The following GRK5 variants were observed in gnomAD, a reference collection of about 807,000 sequenced individuals.
GRK5 encodes g protein-coupled receptor kinase GRK5.
A neutral mutation model predicts 78.4 loss-of-function variants in GRK5; 40 were observed. The ratio of observed to expected loss-of-function variants is 0.51; its 90% confidence interval spans 0.40 to 0.66. GRK5 has a LOEUF of 0.66. Ranked by LOEUF, GRK5 falls within the 30% of genes least tolerant of loss-of-function variation. The probability of loss-of-function intolerance (pLI) is 0.00; values close to 1 mark genes in which losing one functional copy is unlikely to be tolerated. For synonymous variants in GRK5, 289 were observed against 296.8 expected (o/e 0.97, Z 0.27); for missense variants, 598 against 759.9 (o/e 0.79, Z 2.50).
chr10:119,325,606 G>A lies in GRK5; in HGVS notation c.53-910G>A, dbSNP rs558902590. On this transcript the variant is annotated intron_variant, in intron 1 of 15. Transcript: ENST00000392870. Reference sequence around the variant, plus strand: ...ACTGTAAGGGTGGAGAGTGGGTGACGGCACCTTGGTCCCCAGGAGCCCTCT... The same window carrying A: ...ACTGTAAGGGTGGAGAGTGGGTGACAGCACCTTGGTCCCCAGGAGCCCTCT... 1.4e-4 allele frequency among the ~76,000 whole-genome samples: 22 copies of A among 152,262 alleles called. 2 individuals are homozygous for A. In the South Asian group the frequency reaches 4.4e-3, roughly 30 times the overall value.
chr10:119,452,872 G>A lies in GRK5; in HGVS notation c.1542+64G>A, dbSNP rs1202717840. 19 of 1,496,592 alleles carry A rather than the reference G, an allele frequency of 1.3e-5. No individual in the cohort carries two copies. The highest frequency in any genetic ancestry group is 1.5e-5 in the Non-Finnish European group (16 of 1,083,926). The allele number at this position is 1,496,592 out of a possible 1,614,324, so 92.7% of individuals were successfully genotyped here. Reference sequence around the variant, plus strand: ...GGGAGGGACTGACGGGTGGAAGGAGGCGTCGGGAATATGAGTTTGGCGGCA... The same window carrying A: ...GGGAGGGACTGACGGGTGGAAGGAGACGTCGGGAATATGAGTTTGGCGGCA... On this transcript the variant is annotated intron_variant, in intron 14 of 15. Transcript: ENST00000392870. This position sits in a 1 kb window ranked among gnomAD's most constrained non-coding sequence, Gnocchi z 4.4.
chr10:119,244,666 C>T (rs1331987062), intron 1 of GRK5, among the ~76,000 whole-genome samples: 3 of 152,002 alleles, frequency 2.0e-5, no homozygotes, highest in Non-Finnish European at 4.4e-5. Context: ...CCCAGGAGGT[C>T]GAAGCTGCAG....
chr10:119,317,507 GGCC>G (rs1850511711), intron 1 of GRK5, among the ~76,000 whole-genome samples: 1 of 152,120 alleles, frequency 6.6e-6, no homozygotes, highest in South Asian at 2.1e-4. Flanking sequence ...GACCCCTCAA[GGCC>G]GCAGCTGAGC....
intron 1 of GRK5, among the ~76,000 whole-genome samples, chr10:119,310,686 G>A (rs12783762): frequency 0.3 from 45,787 of 152,066 alleles, 7,557 homozygotes; most frequent in East Asian, 0.66. Context: ...AAGGAGGGAA[G>A]CCCCAGGCAG....
chr10:119,213,526 AAAATT>A (rs1848522696), intron 1 of GRK5, among the ~76,000 whole-genome samples: 1 of 152,198 alleles, frequency 6.6e-6, no homozygotes. Context: ...AGAAAAATAA[AAAATT>A]AAAATGTATT....
chr10:119,394,418 G>T (rs1384927545), intron 3 of GRK5, among the ~76,000 whole-genome samples: 1 of 87,836 alleles, frequency 1.1e-5, no homozygotes, highest in Admixed American at 9.7e-5. Context: ...GTGTGTGGGG[G>T]TGTGTGGGTA....
At chr10:119,230,688 A>G (rs968373466) in intron 1 of GRK5, among the ~76,000 whole-genome samples, 1 of 152,062 alleles carries the variant, frequency 6.6e-6, no homozygotes, top group Admixed American at 6.5e-5. Flanking sequence ...AAATAAAAAA[A>G]TTAGCCAGGT....
intron 1 of GRK5, among the ~76,000 whole-genome samples, chr10:119,293,892 G>A (rs143756213): frequency 2.2e-4 from 33 of 152,198 alleles, no homozygotes; most frequent in Admixed American, 6.5e-4. Flanking sequence ...AATCTATTAC[G>A]ATCTAATAAT....
chr10:119,332,650 C>G (rs1006172325), intron 2 of GRK5, among the ~76,000 whole-genome samples: 3 of 152,186 alleles, frequency 2.0e-5, no homozygotes, highest in African/African-American at 4.8e-5. Flanking sequence ...ATCCATGGTC[C>G]TTTTGGCAGT....
rs1041088649 is a variant in GRK5 at position 119,430,525 on chromosome 10, C to T, written c.597+87C>T. The T allele has an allele frequency of 2.5e-5, 31 of 1,259,418 alleles. No individual in the cohort carries two copies. The South Asian group carries it at 3.8e-4, about 15-fold the overall frequency. 78.0% of individuals were successfully genotyped at this position (1,259,418 alleles called of 1,614,324 possible). On this transcript the variant is annotated intron_variant, in intron 7 of 15. Transcript: ENST00000392870. This position sits in a 1 kb window ranked among gnomAD's most constrained non-coding sequence, Gnocchi z 4.5. ...TTCTAAATCAACCTAAAGGGTTGGC[C>T]CACGGGTCCCCCGGGGGCACCAGTG...
rs66652162 is a variant in GRK5 at position 119,389,801 on chromosome 10, A to AACACACAC, written c.262-6865_262-6858dup. Reference sequence around the variant, plus strand: ...CAGTCAGCACCCAGAGATCATGAGCAACACACACACACACACACACACACA... The same window carrying AACACACAC: ...CAGTCAGCACCCAGAGATCATGAGCAACACACACACACACACACACACACACACACACA... On this transcript the variant is annotated intron_variant, in intron 3 of 15. Transcript: ENST00000392870. 1.5e-3 allele frequency among the ~76,000 whole-genome samples: 221 copies of AACACACAC among 149,748 alleles called. 2 individuals carry two copies. Among genetic ancestry groups the AACACACAC allele is most frequent in the East Asian group, 0.011 (55 of 4,994 alleles).
chr10:119,337,249 T>C (rs1850905982), intron 2 of GRK5, among the ~76,000 whole-genome samples: 1 of 152,216 alleles, frequency 6.6e-6, no homozygotes, highest in Non-Finnish European at 1.5e-5. Flanking sequence ...ATAAGTGAAC[T>C]GAGTCCCAGA....
At chr10:119,347,494 T>C (rs1589757526) in intron 2 of GRK5, among the ~76,000 whole-genome samples, 1 of 152,254 alleles carries the variant, frequency 6.6e-6, no homozygotes, top group Non-Finnish European at 1.5e-5. Flanking sequence ...CGTGTGTGTG[T>C]GCACGCCCAT....
chr10:119,407,080 GCAAA>G lies in GRK5; in HGVS notation c.339+10311_339+10314del, dbSNP rs201801987. Among the ~76,000 whole-genome samples the G allele has an allele frequency of 9.8e-4, 149 of 152,350 alleles. 2 individuals carry two copies. In the East Asian group the frequency reaches 0.026, roughly 27 times the overall value. Reference sequence around the variant, plus strand: ...AGTTTTATCTGCAGATTCCCAGCGTGCAAACAGATAAAAAGATCTGTGGTTGACA... The same window carrying G: ...AGTTTTATCTGCAGATTCCCAGCGTGCAGATAAAAAGATCTGTGGTTGACA... On this transcript the variant is annotated intron_variant, in intron 4 of 15. Coordinates refer to ENST00000392870, the MANE Select transcript of GRK5 (RefSeq NM_005308.3).
At chr10:119,326,731 A>T in intron 2 of GRK5, 120 bp downstream of exon 2, 1 of 731,516 alleles carries the variant, frequency 1.4e-6, no homozygotes, top group Middle Eastern at 2.8e-4. Flanking sequence ...GCAAATGCCA[A>T]TCAGTGGACA....
At chr10:119,282,811 G>A (rs1407273504) in intron 1 of GRK5, among the ~76,000 whole-genome samples, 4 of 152,228 alleles carry the variant, frequency 2.6e-5, no homozygotes, top group Admixed American at 6.5e-5. Context: ...GCTCTTGAGC[G>A]CTTTCTCCTG....
chr10:119,306,032 G>A (rs1483345384), intron 1 of GRK5, among the ~76,000 whole-genome samples: 1 of 152,126 alleles, frequency 6.6e-6, no homozygotes, highest in East Asian at 1.9e-4. Context: ...CCCTTGGAAG[G>A]CCTCCCTGGG....
intron 2 of GRK5, among the ~76,000 whole-genome samples, chr10:119,348,651 T>C (rs1322250908): frequency 1.3e-5 from 2 of 152,152 alleles, no homozygotes; most frequent in African/African-American, 2.4e-5. Context: ...GCTCAGGGAA[T>C]GGGCTGTGCT....
intron 1 of GRK5, among the ~76,000 whole-genome samples, chr10:119,246,861 G>C (rs778447282): frequency 3.9e-5 from 6 of 152,204 alleles, no homozygotes; most frequent in Non-Finnish European, 7.3e-5. Flanking sequence ...AATGTCACCT[G>C]AGAAGGGCTG....
Sources: gnomAD v4.1 joint callset for allele counts (sites outside exome capture counted in the v4.1 genomes callset) on GRCh38, gnomAD v4.1.1 for gene constraint, Gnocchi (gnomAD v3.1) non-coding constraint, MANE v1.5 for transcripts, NCBI Gene and HGNC (gene_info 2026-07-23, HGNC 2026-07-21) for gene names.